Variants in CYRIB observed in about 807,000 individuals in gnomAD.
CYRIB encodes CYFIP related Rac1 interactor B.
In CYRIB, 8 loss-of-function variants were observed where a neutral mutation model predicts 44.2. The ratio of observed to expected loss-of-function variants is 0.18; its 90% CI spans 0.11 to 0.33. CYRIB has a LOEUF of 0.33. CYRIB is among the 10% of genes least tolerant of loss of function. The pLI, the probability that CYRIB is intolerant of heterozygous loss-of-function variation, is 1.00. For synonymous variants in CYRIB, 131 were observed against 127.2 expected (o/e 1.03, Z -0.20); for missense variants, 185 against 382.8 (o/e 0.48, Z 4.31).
chr8:129,980,948 C>T (rs1040473388), intron 1 of CYRIB, among the ~76,000 whole-genome samples: 2 of 151,424 alleles, frequency 1.3e-5, no homozygotes, highest in African/African-American at 2.4e-5. Flanking sequence ...GGCATCACTG[C>T]ACTCCAGCCT....
intron 2 of CYRIB, among the ~76,000 whole-genome samples, chr8:129,960,096 A>G (rs769952394): frequency 1.3e-5 from 2 of 152,210 alleles, no homozygotes; most frequent in African/African-American, 4.8e-5. Flanking sequence ...TGACACTTGC[A>G]ATTCAAAGCA....
intron 1 of CYRIB, among the ~76,000 whole-genome samples, chr8:129,925,944 G>C (rs542504280): frequency 2.0e-5 from 3 of 152,210 alleles, no homozygotes; most frequent in Admixed American, 6.5e-5. Context: ...CTAACAACAC[G>C]TGTCAAAAAC....
At chr8:129,912,541 T>C (rs2078561769) in intron 1 of CYRIB, 2 of 151,890 alleles carry the variant, frequency 1.3e-5, no homozygotes, top group East Asian at 1.9e-4. Context: ...AAAAAAGCCA[T>C]ATAATTACCT....
intron 1 of CYRIB, among the ~76,000 whole-genome samples, chr8:129,984,314 C>A (rs1446116661): frequency 1.3e-5 from 2 of 152,192 alleles, no homozygotes; most frequent in Non-Finnish European, 2.9e-5. Context: ...ACCTCCCCAT[C>A]CAGTGTCTCC....
In CYRIB at chr8:129,975,641, C is replaced by G. The variant is rs115472737; in HGVS notation, c.-295-4646G>C. On this transcript the variant is annotated intron_variant, in intron 1 of 14. Coordinates refer to the CYRIB transcript ENST00000401979. ...AGACTTTTAAAGCAACATTTTCTAG[C>G]CTGCTTCATTCCATAATTATTCTGA... 4.5e-3 allele frequency among the ~76,000 whole-genome samples: 692 copies of G among 152,300 alleles called. 4 individuals are homozygous for G. The highest frequency in any genetic ancestry group is 0.015 in the African/African-American group (642 of 41,564).
Position 129,906,870 on chromosome 8 carries a change from C to A in CYRIB, c.-49-3520G>T, listed in dbSNP as rs182965670. On this transcript the variant is annotated intron_variant, in intron 1 of 11. Coordinates refer to ENST00000519824, the Ensembl canonical transcript of CYRIB. ...AAAAATGCTCATCATCACTGGCCAT[C>A]AGAGAAATGCAAATCAAAACCACAA... Among the ~76,000 whole-genome samples, 69 of 152,320 alleles carry A rather than the reference C, an allele frequency of 4.5e-4. No homozygotes were observed. The South Asian group carries it at 9.9e-3, about 22-fold the overall frequency.
intron 2 of CYRIB, among the ~76,000 whole-genome samples, chr8:129,954,580 G>A (rs2094688309): frequency 6.6e-6 from 1 of 152,038 alleles, no homozygotes; most frequent in African/African-American, 2.4e-5. Context: ...AGAGTTTCTG[G>A]ATGAAATGAA....
chr8:129,923,509 A>G (rs2085204280), intron 1 of CYRIB, among the ~76,000 whole-genome samples: 2 of 152,050 alleles, frequency 1.3e-5, no homozygotes, highest in South Asian at 4.1e-4. Flanking sequence ...TCCTGGCCTC[A>G]GGTGATCCAC....
intron 5 of CYRIB, among the ~76,000 whole-genome samples, chr8:129,858,771 G>A (rs1267530935): frequency 1.3e-5 from 2 of 152,188 alleles, no homozygotes; most frequent in East Asian, 3.8e-4. Context: ...TAAAGCATGA[G>A]CAAGACTGAG....
At chr8:129,922,956 G>A (rs142740544) in intron 1 of CYRIB, among the ~76,000 whole-genome samples, 2,493 of 151,564 alleles carry the variant, frequency 0.016, 58 homozygotes, top group African/African-American at 0.053. Context: ...CCGGCCGGGC[G>A]CGGTGGCTCA....
intron 1 of CYRIB, among the ~76,000 whole-genome samples, chr8:129,912,920 G>A (rs919151840): frequency 3.3e-5 from 5 of 150,662 alleles, no homozygotes; most frequent in African/African-American, 4.9e-5. Flanking sequence ...AATACAAAGC[G>A]CAAAAGTGAA....
chr8:129,899,378 T>C lies in CYRIB; in HGVS notation c.-11+3934A>G, dbSNP rs147912828. On this transcript the variant is annotated intron_variant, in intron 2 of 11. Coordinates refer to ENST00000519824, the Ensembl canonical transcript of CYRIB. ...TTTATATAAAATAGGAAGAAACCTA[T>C]GTTTTCTTAATACTGTGGAATAAGC... Among the ~76,000 whole-genome samples, 466 of 152,356 alleles carry C rather than the reference T, an allele frequency of 3.1e-3. 16 individuals are homozygous for C. The highest frequency in any genetic ancestry group is 0.027 in the Admixed American group (418 of 15,308).
chr8:129,998,533 C>T (rs2096833680), intron 1 of CYRIB, among the ~76,000 whole-genome samples: 1 of 152,198 alleles, frequency 6.6e-6, no homozygotes, highest in Non-Finnish European at 1.5e-5. Context: ...AGAAAACAAT[C>T]AATGCCTTTG....
chr8:129,971,148 G>T (rs553559084), intron 1 of CYRIB, among the ~76,000 whole-genome samples, 153 bp from the exon 2 acceptor site: 14 of 152,336 alleles, frequency 9.2e-5, no homozygotes, highest in Admixed American at 3.3e-4. Context: ...TTGATTGTTT[G>T]TTTGTTTTTA....
chr8:129,869,753 C>T lies in CYRIB; in HGVS notation c.195+1622G>A, dbSNP rs542882225. On this transcript the variant is annotated intron_variant, in intron 4 of 11. Transcript: ENST00000519824. The stretch of plus-strand genomic sequence containing the variant: ...TGTATTTATTTGTTCAACAGCTAAC[C>T]GCTTACTAAGTGCTGTAAGTTTACA... Among the ~76,000 whole-genome samples the T allele has an allele frequency of 1.6e-4, 24 of 152,234 alleles. No individual in the cohort carries two copies. In the South Asian group the frequency reaches 3.7e-3, roughly 24 times the overall value.
intron 1 of CYRIB, among the ~76,000 whole-genome samples, chr8:129,909,519 A>C (rs1400132082): frequency 1.3e-5 from 2 of 152,128 alleles, no homozygotes; most frequent in Admixed American, 6.5e-5. Flanking sequence ...ACTCTGCCAA[A>C]ATACCACTTT....
At chr8:129,905,224 T>TTGATTGAA (rs2135934987) in intron 1 of CYRIB, among the ~76,000 whole-genome samples, 1 of 151,560 alleles carries the variant, frequency 6.6e-6, no homozygotes, top group Admixed American at 6.6e-5. Context: ...GATTGATTGA[T>TTGATTGAA]TGATTGATTT....
intron 2 of CYRIB, among the ~76,000 whole-genome samples, chr8:129,955,739 A>G (rs1298877688): frequency 2.0e-5 from 3 of 152,224 alleles, no homozygotes; most frequent in Non-Finnish European, 2.9e-5. Flanking sequence ...TGAGACACAT[A>G]CAAAGCGGTG....
intron 1 of CYRIB, among the ~76,000 whole-genome samples, chr8:129,909,441 A>G (rs1200242738): frequency 2.0e-5 from 3 of 151,986 alleles, no homozygotes; most frequent in African/African-American, 7.3e-5. Context: ...ACAATTTAAC[A>G]CCCTTTCTTT....
Sources: allele counts gnomAD v4.1 joint callset (sites outside exome capture counted in the v4.1 genomes callset), GRCh38; gene constraint gnomAD v4.1.1; transcripts MANE v1.5; gene names NCBI Gene and HGNC (gene_info 2026-07-23, HGNC 2026-07-21).